The following F11 variants were observed in gnomAD, a reference collection of about 807,000 sequenced individuals.
The protein encoded by F11 is coagulation factor XI.
In F11, 78 loss-of-function variants were observed where a neutral mutation model predicts 76.5. The ratio of observed to expected loss-of-function variants is 1.02; its 90% CI spans 0.85 to 1.23. The LOEUF is 1.23. Ranked by LOEUF, F11 falls within the 50% of genes most tolerant of loss-of-function variation. F11 has a pLI of 0.00. For missense variants in F11, 742 were observed against 771.4 expected, an observed-to-expected ratio of 0.96 and a Z score of 0.45; for synonymous variants, 278 against 276.3, an observed-to-expected ratio of 1.01 and a Z score of -0.06.
intron 13 of F11, 89 bp downstream of exon 13, chr4:186,286,599 C>T: frequency 6.3e-7 from 1 of 1,588,418 alleles, no homozygotes; most frequent in Admixed American, 1.7e-5. Context: ...TGAAGCACAA[C>T]TCGAGTCACA....
chr4:186,283,252 CGT>C (rs10661556), intron 10 of F11, among the ~76,000 whole-genome samples: 10 of 151,336 alleles, frequency 6.6e-5, no homozygotes, highest in South Asian at 2.1e-4. Context: ...TTTGTGTGCA[CGT>C]GTGTGTGTGT....
intron 12 of F11, chr4:186,286,092 A>ATCTTTACT: frequency 3.7e-6 from 2 of 537,378 alleles, no homozygotes; most frequent in East Asian, 6.6e-5. Context: ...TAGTAAAGAT[A>ATCTTTACT]ATTTAGTCTA....
intron 2 of F11, 77 bp from the exon 3 acceptor site, chr4:186,271,532 C>T: frequency 2.6e-6 from 4 of 1,530,802 alleles, no homozygotes; most frequent in Non-Finnish European, 3.6e-6. Flanking sequence ...ACTTGCCTTG[C>T]CTTTATGAGA....
At chr4:186,282,538 G>C in intron 10 of F11, 2 of 985,332 alleles carry the variant, frequency 2.0e-6, no homozygotes, top group Non-Finnish European at 2.4e-6. Flanking sequence ...CACAAAATAT[G>C]ATTCTAAACA....
downstream of F11, among the ~76,000 whole-genome samples, chr4:186,289,788 T>C (rs1396947865): frequency 6.6e-6 from 1 of 151,998 alleles, no homozygotes; most frequent in Non-Finnish European, 1.5e-5. Flanking sequence ...ATTCAAGCGA[T>C]TGTCCTGCCT....
chr4:186,286,346 G>A, intron 12 of F11, 69 bp from the exon 13 acceptor site: 2 of 1,326,318 alleles, frequency 1.5e-6, no homozygotes, highest in South Asian at 2.4e-5. Flanking sequence ...TACAGTGGAA[G>A]AAGAGTCTCT....
intron 9 of F11, 35 bp from the exon 10 acceptor site, chr4:186,280,439 G>A (rs780243211): frequency 6.2e-7 from 1 of 1,614,074 alleles, no homozygotes; most frequent in Non-Finnish European, 8.5e-7. Flanking sequence ...CCTGTGAGGT[G>A]CATTATGTTT....
intron 10 of F11, chr4:186,282,069 A>G (rs1229183456): frequency 1.6e-6 from 2 of 1,230,076 alleles, no homozygotes; most frequent in Admixed American, 2.4e-5. Context: ...ATTCGGCACC[A>G]TTCTGTTGTC....
chr4:186,281,493 C>T (rs1243336238), intron 10 of F11, among the ~76,000 whole-genome samples: 1 of 152,140 alleles, frequency 6.6e-6, no homozygotes, highest in Admixed American at 6.5e-5. Flanking sequence ...AAAAATCCAA[C>T]CAGCAGTGTT....
intron 11 of F11, 42 bp downstream of exon 11, chr4:186,284,302 C>A: frequency 2.0e-6 from 3 of 1,488,106 alleles, no homozygotes; most frequent in Non-Finnish European, 2.8e-6. Context: ...CTTCTTCACA[C>A]ATTTATAAAA....
rs149102383 is a variant in F11 at position 186,275,661 on chromosome 4, G to C, written c.486-126G>C. 3.2e-5 allele frequency: 23 copies of C among 713,066 alleles called. No homozygotes were observed. In the African/African-American group the frequency reaches 3.7e-4, roughly 11 times the overall value. The allele number at this position is 713,066 out of a possible 1,614,324, so 44.2% of individuals were successfully genotyped here. On this transcript the variant is annotated intron_variant, in intron 5 of 14. Coordinates refer to ENST00000403665, the MANE Select transcript of F11 (RefSeq NM_000128.4). ...TGCTGGGACCATGCCCAGCCATTCA[G>C]CCTCCCAGATGGATGCTTCGGGGTC...
In F11 at chr4:186,286,395, C is replaced by A; in HGVS notation, c.1481-20C>A. 2 of 1,604,682 alleles carry A rather than the reference C, an allele frequency of 1.2e-6. No individual in the cohort carries two copies. Among genetic ancestry groups the A allele is most frequent in the Non-Finnish European group, 1.7e-6 (2 of 1,171,722 alleles). ...ATATATTTTGCGTCTCATATTTAAA[C>A]CACGATTTTTTAAATTTAGATTCTC... On this transcript the variant is annotated intron_variant, in intron 12 of 14. Coordinates refer to ENST00000403665, the MANE Select transcript of F11 (RefSeq NM_000128.4).
chr4:186,286,531 T>A, intron 13 of F11, 21 bp downstream of exon 13: 1 of 1,612,780 alleles, frequency 6.2e-7, no homozygotes, highest in African/African-American at 1.3e-5. Context: ...TGTTGTTATA[T>A]GTGCTCCATC....
rs781690675 is a variant in F11, at chr4:186,280,533, G to T, written c.1088G>T (p.Arg363Ile). 1 of 1,614,212 alleles carries T rather than the reference G, an allele frequency of 6.2e-7. No individual in the cohort carries two copies. Among genetic ancestry groups the T allele is most frequent in the South Asian group, 1.1e-5 (1 of 91,080 alleles). ...NGSPTKILHG[R>I]GGISGYTLRL... ...TCTCCAACTAAAATACTTCACGGGA[G>T]AGGAGGCATCTCTGGATACACATTA... Residue 363 changes from arginine (R) to isoleucine (I), a missense_variant, in exon 10 of 15, where the codon AGA (arginine) becomes ATA (isoleucine). Physicochemically the swap from Arg to Ile is moderately conservative, Grantham distance 97. Coordinates refer to ENST00000403665, the MANE Select transcript of F11 (RefSeq NM_000128.4).
chr4:186,280,667 C>T, intron 10 of F11, 87 bp downstream of exon 10: 1 of 1,149,634 alleles, frequency 8.7e-7, no homozygotes, highest in South Asian at 1.3e-5. Context: ...GTTATAGCCA[C>T]AGAAGGGAGA....
chr4:186,283,948 C>T, intron 10 of F11, 144 bp from the exon 11 acceptor site: 1 of 1,305,372 alleles, frequency 7.7e-7, no homozygotes, highest in Non-Finnish European at 1.1e-6. Context: ...TTTGCTTTGG[C>T]AGCTTGATTA....
intron 7 of F11, among the ~76,000 whole-genome samples, chr4:186,278,577 C>T (rs1740551688): frequency 6.6e-6 from 1 of 152,044 alleles, no homozygotes; most frequent in Admixed American, 6.5e-5. Flanking sequence ...TAGGTTGGAC[C>T]ACGGATTGTG....
rs372185783 is a variant in F11 at position 186,277,583 on chromosome 4, G to C, written c.755+1193G>C. 4.5e-4 allele frequency among the ~76,000 whole-genome samples: 68 copies of C among 152,272 alleles called. 1 individual carries two copies. In the South Asian group the frequency reaches 0.013, roughly 30 times the overall value. ...AATAATTGAACCAGGAACAGAAAGA[G>C]CTGAAAATGTCAGTGAAATGTCAAA... On this transcript the variant is annotated intron_variant, in intron 7 of 14. Transcript: ENST00000403665.
In F11 at chr4:186,273,062, A is replaced by G; in HGVS notation, c.219-9A>G. 1 of 1,584,574 alleles carries G rather than the reference A, an allele frequency of 6.3e-7. No individual in the cohort carries two copies. Among genetic ancestry groups the G allele is most frequent in the Non-Finnish European group, 8.7e-7 (1 of 1,154,502 alleles). On this transcript the variant is annotated splice_polypyrimidine_tract_variant and intron_variant, in intron 3 of 14. Coordinates refer to ENST00000403665, the MANE Select transcript of F11 (RefSeq NM_000128.4). ...CCTATTCATTAATATGTATTTTTTAAAAAAACAGGTTTACTTGTGTCCTGA... is the reference window on the plus strand; with the variant it reads ...CCTATTCATTAATATGTATTTTTTAGAAAAACAGGTTTACTTGTGTCCTGA...
Sources: allele counts gnomAD v4.1 joint callset (sites outside exome capture counted in the v4.1 genomes callset), GRCh38; gene constraint gnomAD v4.1.1; transcripts MANE v1.5; gene names NCBI Gene and HGNC (gene_info 2026-07-23, HGNC 2026-07-21).